Variants in TLN2 observed in about 807,000 individuals in gnomAD.
The protein encoded by TLN2 is talin 2, also known as talin-2.
A neutral mutation model predicts 294.7 loss-of-function variants in TLN2; 118 were observed. That is an observed-to-expected ratio of 0.40 (90% confidence interval 0.34 to 0.47). The LOEUF (loss-of-function observed/expected upper bound fraction) is 0.47. Among genes scored for constraint, TLN2 ranks in the 20% least tolerant of loss-of-function variants. The probability of loss-of-function intolerance (pLI) is 0.84; values close to 1 mark genes in which losing one functional copy is unlikely to be tolerated. For missense variants in TLN2, 3,083 were observed against 3,282.2 expected (o/e 0.94, Z 1.48); for synonymous variants, 1,431 against 1,304.5 (o/e 1.10, Z -2.09).
chr15:62,652,559 G>T (rs1326308965), intron 6 of TLN2, among the ~76,000 whole-genome samples: 1 of 152,084 alleles, frequency 6.6e-6, no homozygotes, highest in African/African-American at 2.4e-5. Flanking sequence ...TTCTAATGAA[G>T]CCCTTCAAAT....
At chr15:62,462,456 C>T (rs981818883) in intron 1 of TLN2, among the ~76,000 whole-genome samples, 6 of 152,088 alleles carry the variant, frequency 3.9e-5, no homozygotes, top group Non-Finnish European at 8.8e-5. Flanking sequence ...TTGTTAGGGC[C>T]ATCTGTTTTG....
At chr15:62,603,372 A>G (rs764949521) in intron 2 of TLN2, among the ~76,000 whole-genome samples, 2 of 152,050 alleles carry the variant, frequency 1.3e-5, no homozygotes, top group Non-Finnish European at 2.9e-5. Flanking sequence ...GGCATACTCT[A>G]TGCACGTTTC....
At chr15:62,705,680 A>G (rs1209096668) in intron 19 of TLN2, among the ~76,000 whole-genome samples, 1 of 152,226 alleles carries the variant, frequency 6.6e-6, no homozygotes, top group Non-Finnish European at 1.5e-5. Flanking sequence ...TCTTTTTAAT[A>G]ATTTGTGACA....
intron 26 of TLN2, among the ~76,000 whole-genome samples, chr15:62,724,646 C>T (rs932792723): frequency 1.3e-5 from 2 of 152,172 alleles, no homozygotes; most frequent in Non-Finnish European, 2.9e-5. Context: ...CATGGCTGTG[C>T]TAGGTGCCCT....
At chr15:62,560,719 C>G (rs533078763) in intron 1 of TLN2, among the ~76,000 whole-genome samples, 1 of 152,362 alleles carries the variant, frequency 6.6e-6, no homozygotes, top group Admixed American at 6.5e-5. Context: ...CCTGTCTGGA[C>G]GATGCCCCTG....
chr15:62,835,315 G>A (rs746989978), intron 55 of TLN2: 2 of 196,890 alleles, frequency 1.0e-5, no homozygotes, highest in African/African-American at 4.7e-5. Context: ...ACGCAGTGTG[G>A]TTTTCAGGGT....
intron 43 of TLN2, among the ~76,000 whole-genome samples, chr15:62,777,747 C>T (rs532138057): frequency 6.6e-6 from 1 of 152,310 alleles, no homozygotes; most frequent in South Asian, 2.1e-4. Context: ...CCATAGTAAA[C>T]TCTTGTAGGC....
intron 1 of TLN2, among the ~76,000 whole-genome samples, chr15:62,581,251 T>C (rs1469490879): frequency 1.3e-5 from 2 of 152,212 alleles, no homozygotes; most frequent in Non-Finnish European, 2.9e-5. Flanking sequence ...AATTGTATAG[T>C]ATGTAGCCTT....
rs1018612573 is a variant in TLN2 at position 62,706,790 on chromosome 15, G to A, written c.2005-296G>A. On this transcript the variant is annotated intron_variant, in intron 19 of 58. Coordinates refer to ENST00000636159, the MANE Select transcript of TLN2 (RefSeq NM_015059.3). ...ATTCAAGAGACGTGGTCAAGACTTC[G>A]TGTTAGATAAGTGCATGAATGGGAA... is the stretch of plus-strand genomic sequence containing the variant. Among the ~76,000 whole-genome samples the A allele has an allele frequency of 5.3e-5, 8 of 152,240 alleles. No individual in the cohort carries two copies. The East Asian group carries it at 1.2e-3, about 22-fold the overall frequency.
intron 40 of TLN2, among the ~76,000 whole-genome samples, chr15:62,765,575 G>C (rs188275980): frequency 6.6e-6 from 1 of 152,212 alleles, no homozygotes; most frequent in East Asian, 1.9e-4. Flanking sequence ...AGTGAAGCTC[G>C]TATGAATAGT....
intron 1 of TLN2, among the ~76,000 whole-genome samples, chr15:62,445,313 C>T (rs1454832112): frequency 6.6e-6 from 1 of 152,196 alleles, no homozygotes; most frequent in African/African-American, 2.4e-5. Context: ...CAAATAACAA[C>T]TCCCTTTCTC....
In TLN2 at chr15:62,800,364, TC is replaced by T; in HGVS notation, c.6235-3del. 6.2e-7 allele frequency: 1 copy of T among 1,613,484 alleles called. No homozygotes were observed. The highest frequency in any genetic ancestry group is 8.5e-7 in the Non-Finnish European group (1 of 1,179,840). On this transcript the variant is annotated splice_region_variant and splice_polypyrimidine_tract_variant and intron_variant, in intron 48 of 58. Coordinates refer to ENST00000636159, the MANE Select transcript of TLN2 (RefSeq NM_015059.3). The stretch of plus-strand genomic sequence containing the variant: ...GCTCACCTGAGTTCTGTGCTCTCTT[TC>T]AGGTGGTTTTGATCAATGCCATCAA...
intron 1 of TLN2, among the ~76,000 whole-genome samples, chr15:62,422,986 C>T (rs2034498254): frequency 6.6e-6 from 1 of 152,220 alleles, no homozygotes; most frequent in Admixed American, 6.5e-5. Context: ...CCTTTGGAGG[C>T]CCCTGCATGG....
At position 62,810,043 on chromosome 15, in the gene TLN2, G is replaced by A. The variant is rs752507660; in HGVS notation, c.6771+11G>A. On this transcript the variant is annotated intron_variant, in intron 52 of 58. Transcript: ENST00000636159. ...GAGCACGTCTTGGTGGTAAGAAAGC[G>A]CATGAGTCAGGGCTGGGGAGTAGCT... The A allele has an allele frequency of 1.1e-5, 17 of 1,608,682 alleles. No homozygotes were observed. The highest frequency in any genetic ancestry group is 2.2e-5 in the East Asian group (1 of 44,832).
chr15:62,723,309 A>G (rs1384367287), intron 26 of TLN2, among the ~76,000 whole-genome samples: 1 of 152,194 alleles, frequency 6.6e-6, no homozygotes, highest in East Asian at 1.9e-4. Context: ...TACTGTCTAC[A>G]CTGGAATCAC....
intron 2 of TLN2, among the ~76,000 whole-genome samples, chr15:62,598,852 G>A (rs932566482): frequency 6.6e-6 from 1 of 151,980 alleles, no homozygotes; most frequent in Non-Finnish European, 1.5e-5. Context: ...GGTAGTGACC[G>A]GATGGATGGC....
chr15:62,443,348 C>G (rs1259058197), intron 1 of TLN2, among the ~76,000 whole-genome samples: 2 of 152,168 alleles, frequency 1.3e-5, no homozygotes, highest in Non-Finnish European at 1.5e-5. Context: ...TAATATAAAA[C>G]TTTAATTTGT....
chr15:62,593,436 T>TA (rs2046240322), intron 2 of TLN2, among the ~76,000 whole-genome samples: 1 of 152,232 alleles, frequency 6.6e-6, no homozygotes, highest in African/African-American at 2.4e-5. Context: ...TAATTAAACT[T>TA]ACTAAACCAT....
intron 30 of TLN2, among the ~76,000 whole-genome samples, chr15:62,738,824 G>C (rs1287329577): frequency 2.0e-5 from 3 of 152,178 alleles, no homozygotes; most frequent in Non-Finnish European, 4.4e-5. Context: ...ATAGAGTCTA[G>C]CTTAACTCCC....
Sources: gnomAD v4.1 joint callset for allele counts (sites outside exome capture counted in the v4.1 genomes callset) on GRCh38, gnomAD v4.1.1 for gene constraint, MANE v1.5 for transcripts, NCBI Gene and HGNC (gene_info 2026-07-23, HGNC 2026-07-21) for gene names.